The following CABIN1 variants were observed in gnomAD, a reference collection of about 807,000 sequenced individuals.
CABIN1 encodes the protein calcineurin-binding protein cabin-1.
A neutral mutation model predicts 227.7 loss-of-function variants in CABIN1; 133 were observed. That is an observed-to-expected ratio of 0.58 (90% confidence interval 0.51 to 0.67). The LOEUF (loss-of-function observed/expected upper bound fraction) is 0.67. Among genes scored for constraint, CABIN1 ranks in the 30% least tolerant of loss-of-function variants. The pLI is 0.00. For synonymous variants in CABIN1, 1,086 were observed against 1,155.1 expected, an observed-to-expected ratio of 0.94 and a Z score of 1.21; for missense variants, 2,408 against 2,852.5, an observed-to-expected ratio of 0.84 and a Z score of 3.55.
intron 6 of CABIN1, among the ~76,000 whole-genome samples, chr22:24,045,515 G>A (rs560968837): frequency 9.3e-5 from 14 of 151,042 alleles, no homozygotes; most frequent in African/African-American, 3.4e-4. Flanking sequence ...CAGCTACTTG[G>A]AAGGATCACC....
chr22:24,091,383 G>A (rs2041531220), intron 23 of CABIN1, among the ~76,000 whole-genome samples, 200 bp from the exon 24 acceptor site: 1 of 152,192 alleles, frequency 6.6e-6, no homozygotes, highest in Non-Finnish European at 1.5e-5. Flanking sequence ...TGCCTTGCTT[G>A]GTGGGCGCTT....
At chr22:24,051,638 C>T (rs1040442145) in intron 8 of CABIN1, among the ~76,000 whole-genome samples, 4 of 152,162 alleles carry the variant, frequency 2.6e-5, no homozygotes, top group Non-Finnish European at 5.9e-5. Context: ...CCCCTACCTC[C>T]ACCCCTGTCT....
intron 22 of CABIN1, among the ~76,000 whole-genome samples, chr22:24,086,375 C>T (rs1001466602): frequency 1.3e-5 from 2 of 152,246 alleles, no homozygotes; most frequent in Admixed American, 1.3e-4. Context: ...AACTGGGCCT[C>T]CCTCCAACCT....
chr22:24,026,835 C>A (rs1162449998), intron 1 of CABIN1, among the ~76,000 whole-genome samples: 1 of 152,198 alleles, frequency 6.6e-6, no homozygotes, highest in East Asian at 1.9e-4. Flanking sequence ...TCCAATATTA[C>A]TATTCTTTTC....
intron 1 of CABIN1, among the ~76,000 whole-genome samples, chr22:24,016,922 T>G (rs2146454832): frequency 6.6e-6 from 1 of 152,320 alleles, no homozygotes; most frequent in South Asian, 2.1e-4. Context: ...TAGTTGCGTC[T>G]TCTTTTGTGA....
At chr22:24,044,193 T>TAAGGAACTAGCCCTAGCCTCTTGGTA (rs1232776949) in intron 6 of CABIN1, among the ~76,000 whole-genome samples, 1 of 152,204 alleles carries the variant, frequency 6.6e-6, no homozygotes, top group African/African-American at 2.4e-5. Flanking sequence ...CCCCACCCTT[T>TAAGGAACTAGCCCTAGCCTCTTGGTA]AAGGAACTAG....
intron 1 of CABIN1, among the ~76,000 whole-genome samples, chr22:24,035,089 C>T (rs1053170957): frequency 4.6e-5 from 7 of 152,178 alleles, no homozygotes; most frequent in African/African-American, 1.2e-4. Context: ...CTTCCTTAAT[C>T]GCTTTGAATT....
intron 24 of CABIN1, among the ~76,000 whole-genome samples, chr22:24,093,246 A>G (rs1010313520): frequency 2.0e-5 from 3 of 152,210 alleles, no homozygotes; most frequent in African/African-American, 7.2e-5. Flanking sequence ...TAATTTTGTG[A>G]GCAAACAAAA....
rs1185071047 is a variant in CABIN1 at position 24,134,355 on chromosome 22, A to C, written c.4686A>C (p.Gln1562His). 6.2e-7 allele frequency: 1 copy of C among 1,614,094 alleles called. No individual in the cohort carries two copies. The highest frequency in any genetic ancestry group is 8.5e-7 in the Non-Finnish European group (1 of 1,180,038). Residue 1562 changes from glutamine to histidine, a missense_variant, in exon 29 of 37, where the codon CAA (glutamine) becomes CAC (histidine). Around this residue, in one of 3 missense-constraint regions of CABIN1, gnomAD observed 649 missense variants for 910.3 expected, o/e 0.71. Transcript: ENST00000263119. ...TAGGCAGCAGTATCCCGTGGCAACA[A>C]CTGCAGCACATGCCGGCACAGGGGC... Reference protein sequence around the residue: ...VLLGSSIPWQQLQHMPAQGLF... With the variant: ...VLLGSSIPWQHLQHMPAQGLF...
intron 1 of CABIN1, among the ~76,000 whole-genome samples, chr22:24,031,483 G>GT (rs976539843): frequency 1.3e-5 from 2 of 152,168 alleles, no homozygotes; most frequent in African/African-American, 2.4e-5. Flanking sequence ...TCCAAATCCA[G>GT]TGTCCTTTCC....
At chr22:24,022,656 A>G (rs1039495065) in intron 1 of CABIN1, among the ~76,000 whole-genome samples, 1 of 152,192 alleles carries the variant, frequency 6.6e-6, no homozygotes, top group African/African-American at 2.4e-5. Flanking sequence ...TGAGTTTTAT[A>G]AGAAACTGTT....
At chr22:24,111,114 C>T (rs989453751) in intron 26 of CABIN1, among the ~76,000 whole-genome samples, 1 of 152,158 alleles carries the variant, frequency 6.6e-6, no homozygotes, top group Non-Finnish European at 1.5e-5. Context: ...TACAGATGCT[C>T]CTCAACTTAC....
At chr22:24,172,313 T>C (rs977082510) in intron 34 of CABIN1, among the ~76,000 whole-genome samples, 2 of 152,140 alleles carry the variant, frequency 1.3e-5, no homozygotes, top group African/African-American at 2.4e-5. Flanking sequence ...CAAAGCCTTA[T>C]AGTAAGTAGG....
chr22:24,164,379 C>T (rs375822432), intron 29 of CABIN1, 21 bp from the exon 30 acceptor site: 1 of 1,600,848 alleles, frequency 6.2e-7, no homozygotes, highest in East Asian at 2.2e-5. Context: ...CCCTCACACA[C>T]CTGTGCCATC....
intron 22 of CABIN1, 110 bp from the exon 23 acceptor site, chr22:24,087,342 G>A: frequency 4.9e-6 from 7 of 1,415,240 alleles, no homozygotes; most frequent in Non-Finnish European, 6.8e-6. Context: ...GAGCCCTGGT[G>A]TGGGAAGGGA....
chr22:24,024,445 C>A (rs1008452023), intron 1 of CABIN1, among the ~76,000 whole-genome samples: 2 of 152,148 alleles, frequency 1.3e-5, no homozygotes, highest in East Asian at 3.8e-4. Flanking sequence ...CTTTCAAGAT[C>A]TTCTCTTTGG....
chr22:24,039,950 G>T (rs1349389421), intron 4 of CABIN1, among the ~76,000 whole-genome samples: 1 of 152,230 alleles, frequency 6.6e-6, no homozygotes, highest in African/African-American at 2.4e-5. Context: ...CCTGACTGGT[G>T]GGTGTCCTAG....
At chr22:24,163,948 G>A (rs2046301902) in intron 29 of CABIN1, among the ~76,000 whole-genome samples, 1 of 152,244 alleles carries the variant, frequency 6.6e-6, no homozygotes, top group African/African-American at 2.4e-5. Context: ...CACTGCTGGA[G>A]AGAGTGGGTG....
At chr22:24,165,185 C>G (rs185008970) in intron 30 of CABIN1, among the ~76,000 whole-genome samples, 18 of 152,338 alleles carry the variant, frequency 1.2e-4, no homozygotes, top group Non-Finnish European at 2.5e-4. Flanking sequence ...CTACCACTTG[C>G]CAGGCGATGT....
Sources: gnomAD v4.1 joint callset for allele counts (sites outside exome capture counted in the v4.1 genomes callset) on GRCh38, gnomAD v4.1.1 for gene constraint, gnomAD v4.1.1 regional missense constraint, MANE v1.5 for transcripts, NCBI Gene and HGNC (gene_info 2026-07-23, HGNC 2026-07-21) for gene names.